The following SDK1 variants were observed in gnomAD, a reference collection of about 807,000 sequenced individuals.
SDK1 encodes the protein sidekick cell adhesion molecule 1, also known as protein sidekick-1.
SDK1 carries 157 observed loss-of-function variants against 245.5 expected under a neutral mutation model. The observed-to-expected ratio is 0.64, with a 90% CI of 0.56 to 0.73. The LOEUF is 0.73. SDK1 is among the 30% of genes least tolerant of loss of function. The pLI, the probability that SDK1 is intolerant of heterozygous loss-of-function variation, is 0.00. For missense variants in SDK1, 3,583 were observed against 3,002.3 expected, an observed-to-expected ratio of 1.19 and a Z score of -4.52; for synonymous variants, 1,647 against 1,278.5, an observed-to-expected ratio of 1.29 and a Z score of -6.15.
intron 35 of SDK1, among the ~76,000 whole-genome samples, chr7:4,205,053 G>A (rs1408154818): frequency 3.9e-5 from 3 of 75,960 alleles, no homozygotes; most frequent in Non-Finnish European, 7.6e-5. Flanking sequence ...TTTGGTTTGC[G>A]TGTGCCATGC....
intron 1 of SDK1, among the ~76,000 whole-genome samples, chr7:3,319,878 C>CTTATTTTTTTTTTTTTTTTTTTTT (rs1779755018): frequency 1.1e-5 from 1 of 88,102 alleles, no homozygotes; most frequent in Non-Finnish European, 2.2e-5. Context: ...CATTCTTAGT[C>CTTATTTTTTTTTTTTTTTTTTTTT]TTTTTTTTTT....
At chr7:4,090,069 G>A (rs1198874887) in intron 22 of SDK1, among the ~76,000 whole-genome samples, 1 of 152,234 alleles carries the variant, frequency 6.6e-6, no homozygotes, top group Non-Finnish European at 1.5e-5. Context: ...TGTGGGGGAA[G>A]TGATGCTGGG....
At chr7:4,138,171 G>A (rs929758834) in intron 28 of SDK1, among the ~76,000 whole-genome samples, 1 of 152,196 alleles carries the variant, frequency 6.6e-6, no homozygotes, top group African/African-American at 2.4e-5. Context: ...CAATTAGCAG[G>A]GATGCCGTCG....
intron 5 of SDK1, among the ~76,000 whole-genome samples, chr7:3,913,742 T>C (rs913567526): frequency 3.9e-5 from 6 of 152,192 alleles, no homozygotes; most frequent in Non-Finnish European, 8.8e-5. Flanking sequence ...TCTATTCTTG[T>C]TCTCTCCAAG....
Position 3,967,745 on chromosome 7 carries a change from G to T in SDK1, c.1546+311G>T, listed in dbSNP as rs190554521. ...ATGCATAGTTCACTGGAGGGTGTGC[G>T]TTCCTATGAGAATCTAATGCTGCTG... On this transcript the variant is annotated intron_variant, in intron 10 of 44. Coordinates refer to ENST00000404826, the MANE Select transcript of SDK1 (RefSeq NM_152744.4). Among the ~76,000 whole-genome samples, 4 of 152,270 alleles carry T rather than the reference G, an allele frequency of 2.6e-5. No homozygotes were observed. The East Asian group carries it at 7.7e-4, about 29-fold the overall frequency.
At chr7:4,184,094 A>G (rs190974642) in intron 35 of SDK1, among the ~76,000 whole-genome samples, 6 of 152,290 alleles carry the variant, frequency 3.9e-5, no homozygotes, top group Admixed American at 3.9e-4. Flanking sequence ...CATTGTAACA[A>G]CCCTAATCTG....
At chr7:3,442,543 G>C (rs1417171065) in intron 1 of SDK1, among the ~76,000 whole-genome samples, 1 of 152,188 alleles carries the variant, frequency 6.6e-6, no homozygotes, top group Non-Finnish European at 1.5e-5. Flanking sequence ...GTTGTATTGT[G>C]GTTGAGGGCA....
At chr7:4,235,250 C>T (rs896579076) in intron 41 of SDK1, among the ~76,000 whole-genome samples, 8 of 152,110 alleles carry the variant, frequency 5.3e-5, no homozygotes, top group Admixed American at 2.0e-4. Context: ...CTGCAACCTC[C>T]GTCTCCCGGG....
intron 4 of SDK1, among the ~76,000 whole-genome samples, chr7:3,678,348 C>T (rs529610173): frequency 6.6e-6 from 1 of 152,116 alleles, no homozygotes; most frequent in Non-Finnish European, 1.5e-5. Context: ...TTCACAACAG[C>T]AAAAATGTAG....
chr7:3,619,254 GA>G lies in SDK1; in HGVS notation c.458+21del. Reference sequence around the variant, plus strand: ...AGCGAATATAAGTAATTGATCGCTTGAAAAAATAAGATCCCATTTCAGTTGA... The same window carrying G: ...AGCGAATATAAGTAATTGATCGCTTGAAAAATAAGATCCCATTTCAGTTGA... On this transcript the variant is annotated intron_variant, in intron 2 of 44. Coordinates refer to ENST00000404826, the MANE Select transcript of SDK1 (RefSeq NM_152744.4). The G allele has an allele frequency of 6.3e-7, 1 of 1,587,688 alleles. No homozygotes were observed. Among genetic ancestry groups the G allele is most frequent in the Non-Finnish European group, 8.6e-7 (1 of 1,158,578 alleles).
chr7:3,472,253 T>C (rs1781206773), intron 1 of SDK1, among the ~76,000 whole-genome samples: 1 of 152,200 alleles, frequency 6.6e-6, no homozygotes, highest in African/African-American at 2.4e-5. Context: ...CTTTTATAAT[T>C]TTGTAATACC....
chr7:3,474,205 C>G, intron 1 of SDK1, among the ~76,000 whole-genome samples: 1 of 138,340 alleles, frequency 7.2e-6, no homozygotes, highest in East Asian at 2.4e-4. Flanking sequence ...TGGGTTCAAA[C>G]AGTTCTCCTG....
chr7:3,388,497 C>T lies in SDK1; in HGVS notation c.298+86613C>T, dbSNP rs117414375. The stretch of plus-strand genomic sequence containing the variant: ...CTCATTGTATTCTCAAACTCCTAGG[C>T]TCAAGCGATCCCCCCATCTTAGCTT... On this transcript the variant is annotated intron_variant, in intron 1 of 44. Coordinates refer to ENST00000404826, the MANE Select transcript of SDK1 (RefSeq NM_152744.4). Among the ~76,000 whole-genome samples, 1,041 of 152,094 alleles carry T rather than the reference C, an allele frequency of 6.8e-3. 3 individuals are homozygous for T. The highest frequency in any genetic ancestry group is 0.011 in the Non-Finnish European group (776 of 67,982).
rs560041809 is a variant in SDK1, at chr7:3,434,349, A to G, written c.298+132465A>G. 2.4e-3 allele frequency among the ~76,000 whole-genome samples: 362 copies of G among 152,292 alleles called. 5 individuals carry two copies. The highest frequency in any genetic ancestry group is 3.3e-3 in the Non-Finnish European group (227 of 68,012). ...ACCTTGTTCGCCTTGGTTTTGGTAT[A>G]TGAGGTGGACTTTTTACTTAGGTGT... On this transcript the variant is annotated intron_variant, in intron 1 of 44. Transcript: ENST00000404826.
intron 4 of SDK1, among the ~76,000 whole-genome samples, chr7:3,809,305 T>A (rs1437210218): frequency 1.3e-5 from 2 of 152,128 alleles, no homozygotes; most frequent in African/African-American, 4.8e-5. Flanking sequence ...TAAATATTCA[T>A]GAGAAATCCA....
intron 25 of SDK1, among the ~76,000 whole-genome samples, chr7:4,125,040 A>G (rs1489361371): frequency 7.0e-6 from 1 of 143,146 alleles, no homozygotes; most frequent in Non-Finnish European, 1.5e-5. Flanking sequence ...ATGAATGAAT[A>G]GATGGATGGA....
intron 11 of SDK1, among the ~76,000 whole-genome samples, chr7:3,970,761 A>G (rs1782429945): frequency 6.6e-6 from 1 of 152,234 alleles, no homozygotes. Context: ...ATTCCCTGCC[A>G]TAGCCAGGAA....
At chr7:3,650,977 T>C (rs538948562) in intron 4 of SDK1, among the ~76,000 whole-genome samples, 17 of 152,234 alleles carry the variant, frequency 1.1e-4, no homozygotes, top group African/African-American at 3.9e-4. Context: ...GCAATCTGGA[T>C]TGTATCCAGT....
intron 4 of SDK1, among the ~76,000 whole-genome samples, chr7:3,793,606 A>C (rs1778875596): frequency 6.6e-6 from 1 of 152,196 alleles, no homozygotes; most frequent in Non-Finnish European, 1.5e-5. Context: ...TGTTGTCAGC[A>C]ACTAAGCAAT....
Sources: allele counts gnomAD v4.1 joint callset (sites outside exome capture counted in the v4.1 genomes callset), GRCh38; gene constraint gnomAD v4.1.1; transcripts MANE v1.5; gene names NCBI Gene and HGNC (gene_info 2026-07-23, HGNC 2026-07-21).